The following RALYL variants were observed in gnomAD, a reference collection of about 807,000 sequenced individuals.
RALYL encodes RNA-binding Raly-like protein.
A neutral mutation model predicts 35.1 loss-of-function variants in RALYL; 29 were observed. The ratio of observed to expected loss-of-function variants is 0.83; its 90% CI spans 0.61 to 1.13. The LOEUF (loss-of-function observed/expected upper bound fraction) is 1.13. Ranked by LOEUF, RALYL falls within the 50% of genes most tolerant of loss-of-function variation. The probability of loss-of-function intolerance (pLI) is 0.00; values close to 1 mark genes in which losing one functional copy is unlikely to be tolerated. For synonymous variants in RALYL, 120 were observed against 127.6 expected (o/e 0.94, Z 0.40); for missense variants, 359 against 360.4 (o/e 1.00, Z 0.03).
In RALYL at chr8:84,887,594, C is replaced by T. The variant is rs773385621; in HGVS notation, c.686-10C>T. On this transcript the variant is annotated splice_polypyrimidine_tract_variant and intron_variant, in intron 7 of 8. Transcript: ENST00000521268. Reference sequence around the variant, plus strand: ...CAAGGTAGTAGTCATTTGCTTTCTCCCCCCCCCAGAAGCTCAGAAGAAGCA... The same window carrying T: ...CAAGGTAGTAGTCATTTGCTTTCTCTCCCCCCCAGAAGCTCAGAAGAAGCA... 4 of 1,477,866 alleles carry T rather than the reference C, an allele frequency of 2.7e-6. No individual in the cohort carries two copies. Among genetic ancestry groups the T allele is most frequent in the East Asian group, 5.2e-5 (2 of 38,572 alleles). 91.5% of individuals were successfully genotyped at this position (1,477,866 alleles called of 1,614,324 possible).
chr8:84,635,079 G>T (rs985510512), intron 2 of RALYL, among the ~76,000 whole-genome samples: 2 of 151,718 alleles, frequency 1.3e-5, no homozygotes, highest in African/African-American at 4.8e-5. Flanking sequence ...TAAAGTGAAC[G>T]TCCTGATTGC....
intron 1 of RALYL, among the ~76,000 whole-genome samples, chr8:84,522,127 T>A (rs1158671901): frequency 1.4e-4 from 22 of 152,302 alleles, no homozygotes; most frequent in Non-Finnish European, 4.4e-5. Flanking sequence ...TATTTTTATT[T>A]ATAAAATCTC....
intron 1 of RALYL, among the ~76,000 whole-genome samples, chr8:84,304,071 T>TA (rs1841327673): frequency 6.6e-6 from 1 of 152,144 alleles, no homozygotes; most frequent in African/African-American, 2.4e-5. Context: ...ATTCTATTGA[T>TA]AAAATATAAA....
intron 2 of RALYL, among the ~76,000 whole-genome samples, chr8:84,694,000 C>A (rs1389390410): frequency 2.0e-5 from 3 of 151,576 alleles, no homozygotes; most frequent in Admixed American, 1.3e-4. Context: ...CTGAGGAACC[C>A]ACAGCTAACA....
intron 2 of RALYL, among the ~76,000 whole-genome samples, chr8:84,648,505 C>T (rs898328348): frequency 2.6e-5 from 4 of 151,982 alleles, no homozygotes; most frequent in African/African-American, 9.7e-5. Flanking sequence ...ATCTTTTGTC[C>T]AATGATTCTG....
chr8:84,904,728 T>C (rs1375074708), intron 8 of RALYL, among the ~76,000 whole-genome samples: 1 of 152,134 alleles, frequency 6.6e-6, no homozygotes, highest in Non-Finnish European at 1.5e-5. Flanking sequence ...ACAAATTGCA[T>C]TGGTTAAAAG....
intron 2 of RALYL, among the ~76,000 whole-genome samples, chr8:84,654,832 T>A (rs989944818): frequency 2.0e-5 from 3 of 152,138 alleles, no homozygotes; most frequent in Non-Finnish European, 4.4e-5. Context: ...ATTCATCTGT[T>A]TATGGGCTCT....
At chr8:84,916,923 G>A (rs1848569910) in intron 8 of RALYL, among the ~76,000 whole-genome samples, 1 of 151,896 alleles carries the variant, frequency 6.6e-6, no homozygotes, top group Non-Finnish European at 1.5e-5. Flanking sequence ...CTGTGGATTT[G>A]GTAAACAAAG....
rs1192248318 is a variant in RALYL at position 84,866,975 on chromosome 8, A to G, written c.571+4522A>G. ...ATTAGTTGGCGAGGGCTGCCATAAC[A>G]AAGTACCACAGTTCGGGTGGCTTAA... is the stretch of plus-strand genomic sequence containing the variant. On this transcript the variant is annotated intron_variant, in intron 6 of 8. Coordinates refer to ENST00000521268, the MANE Select transcript of RALYL (RefSeq NM_173848.7). Among the ~76,000 whole-genome samples the G allele has an allele frequency of 2.0e-5, 3 of 152,280 alleles. No individual in the cohort carries two copies. The East Asian group carries it at 5.8e-4, about 29-fold the overall frequency.
chr8:84,467,617 C>T (rs1040648594), intron 1 of RALYL, among the ~76,000 whole-genome samples: 2 of 151,740 alleles, frequency 1.3e-5, no homozygotes, highest in African/African-American at 4.8e-5. Flanking sequence ...AATGTATATT[C>T]TGTTGATTTG....
At chr8:84,723,676 T>C (rs538678646) in intron 2 of RALYL, among the ~76,000 whole-genome samples, 85 of 152,042 alleles carry the variant, frequency 5.6e-4, no homozygotes, top group Middle Eastern at 6.8e-3. Flanking sequence ...TCACTTTTTT[T>C]AGAAAAGGAA....
At chr8:84,651,184 C>A (rs1392497442) in intron 2 of RALYL, among the ~76,000 whole-genome samples, 1 of 151,620 alleles carries the variant, frequency 6.6e-6, no homozygotes, top group African/African-American at 2.4e-5. Flanking sequence ...AACTAACCTG[C>A]ACATTGTGCA....
chr8:84,889,982 A>C (rs562926424), intron 8 of RALYL, among the ~76,000 whole-genome samples: 1 of 152,290 alleles, frequency 6.6e-6, no homozygotes, highest in South Asian at 2.1e-4. Context: ...TTCTTGCTTC[A>C]ACTCTTGCCT....
chr8:84,508,652 C>T (rs1219322248), intron 1 of RALYL, among the ~76,000 whole-genome samples: 2 of 151,746 alleles, frequency 1.3e-5, no homozygotes, highest in African/African-American at 2.4e-5. Flanking sequence ...AAATTATATA[C>T]ATATATATAT....
intron 1 of RALYL, among the ~76,000 whole-genome samples, chr8:84,253,944 G>A (rs895365990): frequency 6.6e-6 from 1 of 152,072 alleles, no homozygotes; most frequent in Admixed American, 6.5e-5. Context: ...CTGGAAACTG[G>A]TGTTGCTGAA....
intron 1 of RALYL, among the ~76,000 whole-genome samples, chr8:84,186,085 G>T (rs1812445368): frequency 6.6e-6 from 1 of 152,148 alleles, no homozygotes; most frequent in African/African-American, 2.4e-5. Flanking sequence ...TACAATGTAT[G>T]TGAGTTATTT....
At chr8:84,811,723 A>ATTAT (rs1043784146) in intron 4 of RALYL, among the ~76,000 whole-genome samples, 1 of 151,900 alleles carries the variant, frequency 6.6e-6, no homozygotes, top group African/African-American at 2.4e-5. Context: ...CTTATTCTTT[A>ATTAT]TTATTTGTCA....
intron 2 of RALYL, among the ~76,000 whole-genome samples, chr8:84,683,622 G>A (rs1246159013): frequency 1.3e-5 from 2 of 152,088 alleles, no homozygotes; most frequent in African/African-American, 4.8e-5. Context: ...CAGCACTGGG[G>A]CTGAGATTAG....
rs1490190878 is a variant in RALYL, at chr8:84,225,225, A to AT, written c.-24+40803dup. 3.9e-5 allele frequency among the ~76,000 whole-genome samples: 6 copies of AT among 152,220 alleles called. No individual in the cohort carries two copies. In the East Asian group the frequency reaches 9.7e-4, roughly 25 times the overall value. On this transcript the variant is annotated intron_variant, in intron 1 of 8. Transcript: ENST00000521268. ...ATTTTATGTATTTCTTCCTATATCC[A>AT]TTGCCACCACCCTAGGCCAAGTCAT...
Sources: allele counts gnomAD v4.1 joint callset (sites outside exome capture counted in the v4.1 genomes callset), GRCh38; gene constraint gnomAD v4.1.1; transcripts MANE v1.5; gene names NCBI Gene and HGNC (gene_info 2026-07-23, HGNC 2026-07-21).